Variants in DNER observed in about 807,000 individuals in gnomAD.
DNER encodes the protein delta/notch like EGF repeat containing.
DNER carries 33 observed loss-of-function variants against 78.2 expected under a neutral mutation model. The ratio of observed to expected loss-of-function variants is 0.42; its 90% CI spans 0.32 to 0.56. DNER has a LOEUF of 0.56. Ranked by LOEUF, DNER falls within the 20% of genes least tolerant of loss-of-function variation. The probability of loss-of-function intolerance (pLI) is 0.11; values close to 1 mark genes in which losing one functional copy is unlikely to be tolerated. For missense variants in DNER, 918 were observed against 975.3 expected (o/e 0.94, Z 0.78); for synonymous variants, 417 against 384.8 (o/e 1.08, Z -0.98).
chr2:229,547,198 A>G, intron 4 of DNER, 106 bp from the exon 5 acceptor site: 2 of 1,462,044 alleles, frequency 1.4e-6, no homozygotes, highest in Non-Finnish European at 1.8e-6. Context: ...AATTTAGTGT[A>G]GGCAGCACTC....
intron 1 of DNER, among the ~76,000 whole-genome samples, chr2:229,597,451 G>T (rs1697743394): frequency 6.6e-6 from 1 of 152,118 alleles, no homozygotes; most frequent in Admixed American, 6.5e-5. Context: ...TTAAGGAAAA[G>T]GTCCTGTTGC....
chr2:229,694,539 A>T (rs1168636235), intron 1 of DNER, among the ~76,000 whole-genome samples: 1 of 152,240 alleles, frequency 6.6e-6, no homozygotes, highest in Non-Finnish European at 1.5e-5. Flanking sequence ...AGGCCATGGA[A>T]GCCCACCTCT....
intron 1 of DNER, among the ~76,000 whole-genome samples, chr2:229,599,184 G>A (rs1033686680): frequency 5.3e-5 from 8 of 152,112 alleles, no homozygotes; most frequent in African/African-American, 1.9e-4. Context: ...ACAGAGAAGT[G>A]GAGAAGAAGA....
At chr2:229,551,809 G>A (rs1273063793) in intron 4 of DNER, among the ~76,000 whole-genome samples, 1 of 152,086 alleles carries the variant, frequency 6.6e-6, no homozygotes, top group Non-Finnish European at 1.5e-5. Flanking sequence ...GTGGGTGCCT[G>A]TAATCCCAGC....
At chr2:229,497,324 A>G (rs1448705120) in intron 6 of DNER, among the ~76,000 whole-genome samples, 1 of 152,164 alleles carries the variant, frequency 6.6e-6, no homozygotes, top group East Asian at 1.9e-4. Flanking sequence ...AAAGGATGTA[A>G]CAATAAATAA....
chr2:229,626,696 T>C (rs13431433), intron 1 of DNER, among the ~76,000 whole-genome samples: 2 of 152,196 alleles, frequency 1.3e-5, no homozygotes, highest in African/African-American at 4.8e-5. Context: ...AAAGGCAGCA[T>C]TGGTAGGAGA....
chr2:229,487,939 C>T (rs1695312315), intron 6 of DNER, among the ~76,000 whole-genome samples: 1 of 152,228 alleles, frequency 6.6e-6, no homozygotes, highest in South Asian at 2.1e-4. Context: ...CCCCAATCCA[C>T]AAACCAAAGA....
chr2:229,425,280 G>A (rs986623818), intron 8 of DNER, among the ~76,000 whole-genome samples: 2 of 152,078 alleles, frequency 1.3e-5, no homozygotes, highest in Non-Finnish European at 2.9e-5. Flanking sequence ...TTGAGCTAAC[G>A]AGAACCCTGT....
chr2:229,598,883 C>A (rs1697772806), intron 1 of DNER, among the ~76,000 whole-genome samples: 1 of 152,034 alleles, frequency 6.6e-6, no homozygotes, highest in Non-Finnish European at 1.5e-5. Flanking sequence ...CTCGAAAGGC[C>A]TCCTCCAGCT....
chr2:229,633,341 CTTA>C (rs958828805), intron 1 of DNER, among the ~76,000 whole-genome samples: 6 of 152,174 alleles, frequency 3.9e-5, no homozygotes, highest in African/African-American at 1.4e-4. Context: ...ACCTATCACA[CTTA>C]CAACTTTGTT....
At chr2:229,539,861 C>T (rs1264257865) in intron 5 of DNER, among the ~76,000 whole-genome samples, 1 of 152,144 alleles carries the variant, frequency 6.6e-6, no homozygotes, top group African/African-American at 2.4e-5. Context: ...TCCCACAGCA[C>T]ACAACACACT....
At chr2:229,478,266 A>G (rs78897145) in intron 6 of DNER, among the ~76,000 whole-genome samples, 18,972 of 152,260 alleles carry the variant, frequency 0.12, 1,322 homozygotes, top group South Asian at 0.2. Context: ...AGTTTTAACT[A>G]CATAAAATCT....
chr2:229,516,803 A>G (rs1411078409), intron 5 of DNER, among the ~76,000 whole-genome samples: 1 of 149,268 alleles, frequency 6.7e-6, no homozygotes, highest in African/African-American at 2.5e-5. Context: ...AAAAAAAAAA[A>G]AGAAAAGAAA....
chr2:229,576,984 G>T (rs994148628), intron 4 of DNER, among the ~76,000 whole-genome samples: 2 of 152,120 alleles, frequency 1.3e-5, no homozygotes, highest in Admixed American at 6.5e-5. Context: ...ATGAAATCAG[G>T]GTCCAGACCA....
chr2:229,512,642 A>G, intron 6 of DNER, 141 bp downstream of exon 6: 1 of 1,206,668 alleles, frequency 8.3e-7, no homozygotes, highest in South Asian at 1.5e-5. Context: ...TGAGTGCACC[A>G]AAACCTCACA....
chr2:229,654,388 T>C (rs1698876886), intron 1 of DNER, among the ~76,000 whole-genome samples: 1 of 152,200 alleles, frequency 6.6e-6, no homozygotes, highest in Non-Finnish European at 1.5e-5. Flanking sequence ...AGCAAAGACT[T>C]GGAACCAACC....
intron 1 of DNER, among the ~76,000 whole-genome samples, chr2:229,627,202 A>G (rs1698360545): frequency 6.6e-6 from 1 of 152,226 alleles, no homozygotes; most frequent in African/African-American, 2.4e-5. Context: ...AGATATCCAC[A>G]CAAATGCTTC....
At chr2:229,545,579 A>G (rs1228409157) in intron 5 of DNER, among the ~76,000 whole-genome samples, 1 of 152,178 alleles carries the variant, frequency 6.6e-6, no homozygotes, top group African/African-American at 2.4e-5. Flanking sequence ...ATCTCAAAAA[A>G]TATATATATT....
intron 1 of DNER, among the ~76,000 whole-genome samples, chr2:229,638,530 T>C (rs536482220): frequency 2.6e-5 from 4 of 152,120 alleles, no homozygotes; most frequent in Non-Finnish European, 1.5e-5. Flanking sequence ...GGTGCACAAA[T>C]CTCCTTTTCA....
Sources: gnomAD v4.1 joint callset for allele counts (sites outside exome capture counted in the v4.1 genomes callset) on GRCh38, gnomAD v4.1.1 for gene constraint, MANE v1.5 for transcripts, NCBI Gene and HGNC (gene_info 2026-07-23, HGNC 2026-07-21) for gene names.